The following ADCY2 variants were observed in gnomAD, a reference collection of about 807,000 sequenced individuals.
ADCY2 encodes the protein adenylate cyclase 2, also known as adenylate cyclase type 2.
ADCY2 carries 31 observed loss-of-function variants against 125.2 expected under a neutral mutation model. The ratio of observed to expected loss-of-function variants is 0.25; its 90% CI spans 0.19 to 0.33. ADCY2 has a LOEUF of 0.33. Ranked by LOEUF, ADCY2 falls within the 10% of genes least tolerant of loss-of-function variation. ADCY2 has a pLI of 1.00. For synonymous variants in ADCY2, 512 were observed against 548.4 expected, an observed-to-expected ratio of 0.93 and a Z score of 0.93; for missense variants, 904 against 1,418.2, an observed-to-expected ratio of 0.64 and a Z score of 5.82.
chr5:7,744,789 A>G (rs1333658363), intron 15 of ADCY2, among the ~76,000 whole-genome samples: 1 of 152,270 alleles, frequency 6.6e-6, no homozygotes, highest in African/African-American at 2.4e-5. Flanking sequence ...GATAATTAAT[A>G]ACCTATTATA....
chr5:7,519,170 G>A (rs1171778839), intron 2 of ADCY2, among the ~76,000 whole-genome samples: 1 of 152,172 alleles, frequency 6.6e-6, no homozygotes, highest in East Asian at 1.9e-4. Flanking sequence ...CCCTGGAATA[G>A]TGAAGTGGTG....
intron 7 of ADCY2, among the ~76,000 whole-genome samples, chr5:7,698,910 G>T (rs1359846187): frequency 1.3e-5 from 2 of 151,834 alleles, no homozygotes; most frequent in African/African-American, 4.8e-5. Context: ...CCCAGTAATG[G>T]GACTGCTGGG....
At chr5:7,760,849 A>T (rs1034621915) in intron 16 of ADCY2, among the ~76,000 whole-genome samples, 53 of 152,258 alleles carry the variant, frequency 3.5e-4, no homozygotes, top group African/African-American at 1.2e-3. Context: ...AGAAATCCAG[A>T]TGCATTCATC....
chr5:7,640,365 T>G (rs935758242), intron 4 of ADCY2, among the ~76,000 whole-genome samples: 3 of 152,136 alleles, frequency 2.0e-5, no homozygotes, highest in Non-Finnish European at 4.4e-5. Context: ...ACATAACACT[T>G]TTATATGAGT....
At chr5:7,547,967 A>G (rs1179122970) in intron 3 of ADCY2, among the ~76,000 whole-genome samples, 1 of 152,216 alleles carries the variant, frequency 6.6e-6, no homozygotes, top group Non-Finnish European at 1.5e-5. Flanking sequence ...TGGCCCCAGC[A>G]TGCTGCTCCT....
At chr5:7,422,987 T>C (rs1434450919) in intron 2 of ADCY2, among the ~76,000 whole-genome samples, 1 of 152,170 alleles carries the variant, frequency 6.6e-6, no homozygotes, top group Non-Finnish European at 1.5e-5. Flanking sequence ...CTAGAAAGCC[T>C]GTCTCTGTGC....
At chr5:7,700,874 G>A (rs1741056771) in intron 7 of ADCY2, among the ~76,000 whole-genome samples, 1 of 152,062 alleles carries the variant, frequency 6.6e-6, no homozygotes. Flanking sequence ...GTCAATGAGA[G>A]AGTTGAGATG....
chr5:7,598,981 A>G (rs1172744603), intron 3 of ADCY2, among the ~76,000 whole-genome samples: 1 of 152,236 alleles, frequency 6.6e-6, no homozygotes, highest in Non-Finnish European at 1.5e-5. Flanking sequence ...TCATTGCCAC[A>G]GCATTGCCCC....
Position 7,464,079 on chromosome 5 carries a change from C to T in ADCY2, c.408+49309C>T, listed in dbSNP as rs184779829. 5.6e-4 allele frequency among the ~76,000 whole-genome samples: 86 copies of T among 152,262 alleles called. 1 individual carries two copies. The highest frequency in any genetic ancestry group is 5.6e-3 in the Admixed American group (86 of 15,290). On this transcript the variant is annotated intron_variant, in intron 2 of 24. Transcript: ENST00000338316. ...GGAAGTTCATGCTACAAACCGTACT[C>T]TCATTTTATTTTTCTGTTGGTACTA...
chr5:7,481,840 TG>T (rs768926232), intron 2 of ADCY2, among the ~76,000 whole-genome samples: 2 of 152,170 alleles, frequency 1.3e-5, no homozygotes, highest in Non-Finnish European at 2.9e-5. Flanking sequence ...TCCATTTTTT[TG>T]CTTTGATTGC....
rs1741493329 is a variant in ADCY2, at chr5:7,713,241, AG to A, written c.1622+343del. Reference sequence around the variant, plus strand: ...ATTACATTTTTCTGCCTGTAATCCCAGCACTTTGGGAGGCTGAGGCGGGTGG... The same window carrying A: ...ATTACATTTTTCTGCCTGTAATCCCACACTTTGGGAGGCTGAGGCGGGTGG... On this transcript the variant is annotated intron_variant, in intron 11 of 24. Transcript: ENST00000338316. Among the ~76,000 whole-genome samples the A allele has an allele frequency of 2.6e-5, 4 of 152,324 alleles. No individual in the cohort carries two copies. In the South Asian group the frequency reaches 8.3e-4, roughly 32 times the overall value.
chr5:7,428,202 A>G (rs993503212), intron 2 of ADCY2, among the ~76,000 whole-genome samples: 3 of 152,314 alleles, frequency 2.0e-5, no homozygotes, highest in South Asian at 2.1e-4. Flanking sequence ...TTTCTATATC[A>G]TGACTTTGCT....
intron 4 of ADCY2, among the ~76,000 whole-genome samples, chr5:7,645,363 C>G (rs372880665): frequency 1.3e-5 from 2 of 152,122 alleles, no homozygotes; most frequent in Admixed American, 1.3e-4. Context: ...AAAGCGGAGC[C>G]GGCATTTGCA....
intron 3 of ADCY2, among the ~76,000 whole-genome samples, chr5:7,533,082 T>C (rs1336634603): frequency 3.3e-5 from 5 of 149,714 alleles, no homozygotes; most frequent in Non-Finnish European, 5.9e-5. Flanking sequence ...TATATAAACA[T>C]ATATGTATAT....
intron 5 of ADCY2, among the ~76,000 whole-genome samples, chr5:7,694,844 G>A (rs574316739): frequency 2.2e-4 from 34 of 152,212 alleles, no homozygotes; most frequent in South Asian, 1.9e-3. Context: ...TTTGAGGACC[G>A]AACATATTGT....
chr5:7,673,286 A>ATATATAT (rs58505229), intron 4 of ADCY2, among the ~76,000 whole-genome samples: 5 of 53,862 alleles, frequency 9.3e-5, no homozygotes, highest in East Asian at 7.9e-4. Flanking sequence ...ATATATATAT[A>ATATATAT]AAATTAGCCA....
Position 7,793,728 on chromosome 5 carries a change from G to A in ADCY2, c.2628+3928G>A, listed in dbSNP as rs555056142. 2.0e-5 allele frequency: 3 copies of A among 152,358 alleles called. No homozygotes were observed. The East Asian group carries it at 5.8e-4, about 29-fold the overall frequency. The allele number at this position is 152,358 out of a possible 1,614,324, so 9.4% of individuals were successfully genotyped here. ...AAATAAAGAAGGTGAACCCCTTGGG[G>A]GTGTCATCACAGCCACTGTAGCCCT... is the stretch of plus-strand genomic sequence containing the variant. On this transcript the variant is annotated intron_variant, in intron 20 of 24. Coordinates refer to ENST00000338316, the MANE Select transcript of ADCY2 (RefSeq NM_020546.3).
intron 15 of ADCY2, among the ~76,000 whole-genome samples, chr5:7,753,524 A>G (rs1468879622): frequency 6.6e-6 from 1 of 152,234 alleles, no homozygotes; most frequent in South Asian, 2.1e-4. Context: ...AGATGTTGTC[A>G]TTTATAACAT....
chr5:7,600,023 C>G (rs988285536), intron 3 of ADCY2, among the ~76,000 whole-genome samples: 13 of 152,100 alleles, frequency 8.5e-5, no homozygotes, highest in African/African-American at 2.9e-4. Context: ...ACAAGGAGCA[C>G]CCAGGCAGTT....
Sources: gnomAD v4.1 joint callset for allele counts (sites outside exome capture counted in the v4.1 genomes callset) on GRCh38, gnomAD v4.1.1 for gene constraint, MANE v1.5 for transcripts, NCBI Gene and HGNC (gene_info 2026-07-23, HGNC 2026-07-21) for gene names.